HPD: variants seen among roughly 807,000 people sequenced by gnomAD.
HPD encodes the protein 4-hydroxyphenylpyruvate dioxygenase.
Under a neutral mutation model 56.9 loss-of-function variants are expected in HPD, and 35 were observed. That is an observed-to-expected ratio of 0.62 (90% CI 0.47 to 0.82). HPD has a LOEUF of 0.82. HPD is among the 40% of genes least tolerant of loss of function. The probability of loss-of-function intolerance (pLI) is 0.00; values close to 1 mark genes in which losing one functional copy is unlikely to be tolerated. For missense variants in HPD, 442 were observed against 506.8 expected (o/e 0.87, Z 1.23); for synonymous variants, 186 against 200.2 (o/e 0.93, Z 0.60).
chr12:121,863,702 C>T (rs546824276), upstream of HPD: 1 of 151,746 alleles, frequency 6.6e-6, no homozygotes, highest in East Asian at 1.9e-4. Flanking sequence ...ATCCCTTGAG[C>T]CCAGGAGTTC....
intron 7 of HPD, among the ~76,000 whole-genome samples, chr12:121,851,332 C>T (rs1340106993): frequency 6.7e-6 from 1 of 149,192 alleles, no homozygotes; most frequent in Non-Finnish European, 1.5e-5. Context: ...AATTTTTTAA[C>T]TTTTATTTTT....
At chr12:121,848,078 C>T (rs543567037) in intron 9 of HPD, among the ~76,000 whole-genome samples, 2 of 152,132 alleles carry the variant, frequency 1.3e-5, no homozygotes, top group South Asian at 4.2e-4. Flanking sequence ...AGAAAAAGGC[C>T]CTTGCTTGGA....
the HPD span, among the ~76,000 whole-genome samples, chr12:121,876,761 CTG>C: frequency 6.6e-6 from 1 of 152,070 alleles, no homozygotes; most frequent in East Asian, 1.9e-4. Context: ...CTTAACCTCT[CTG>C]AACCCCCATC....
At chr12:121,850,583 C>A (rs1035853013) in intron 7 of HPD, among the ~76,000 whole-genome samples, 2 of 150,236 alleles carry the variant, frequency 1.3e-5, no homozygotes, top group Non-Finnish European at 3.0e-5. Flanking sequence ...AAGCCATTCT[C>A]CTGCCTCAGC....
chr12:121,859,439 A>G (rs1878119599), upstream of HPD, among the ~76,000 whole-genome samples: 1 of 152,070 alleles, frequency 6.6e-6, no homozygotes, highest in Non-Finnish European at 1.5e-5. Context: ...CACACAGGAC[A>G]CTCTCAGTGT....
upstream of HPD, among the ~76,000 whole-genome samples, chr12:121,866,240 G>C (rs1878323498): frequency 6.6e-6 from 1 of 151,004 alleles, no homozygotes; most frequent in South Asian, 2.1e-4. Flanking sequence ...GGCAGAGCTT[G>C]CAGTGAGCAG....
upstream of HPD, among the ~76,000 whole-genome samples, chr12:121,864,843 A>G (rs1162066428): frequency 7.3e-6 from 1 of 136,304 alleles, no homozygotes; most frequent in Non-Finnish European, 1.5e-5. Flanking sequence ...ACAGAGTGAG[A>G]CTCCGTCTCA....
At chr12:121,866,482 T>A (rs567917196), upstream of HPD, among the ~76,000 whole-genome samples, 138 of 152,176 alleles carry the variant, frequency 9.1e-4, no homozygotes, top group African/African-American at 3.0e-3. Flanking sequence ...TACAGTTTAT[T>A]TGAATTTTCC....
At chr12:121,840,087 C>T (rs2137606165) in intron 12 of HPD, 39 bp from the exon 13 acceptor site, 1 of 1,364,770 alleles carries the variant, frequency 7.3e-7, no homozygotes, top group South Asian at 1.2e-5. Context: ...GGGAGGCTGG[C>T]ACGGTGAGAT....
At chr12:121,868,064 T>C (rs1947826), upstream of HPD, among the ~76,000 whole-genome samples, 127,282 of 152,150 alleles carry the variant, frequency 0.84, 53,320 homozygotes, top group Middle Eastern at 0.9. Context: ...TGGCTCATGC[T>C]TATAATGCCA....
chr12:121,869,988 G>C, the HPD span, among the ~76,000 whole-genome samples: 2 of 151,768 alleles, frequency 1.3e-5, no homozygotes, highest in Admixed American at 6.6e-5. Context: ...GTGTTGCCTA[G>C]GCTAACCTTG....
At chr12:121,857,639 C>A (rs1878052665) in intron 3 of HPD, 118 bp downstream of exon 3, 1 of 950,358 alleles carries the variant, frequency 1.1e-6, no homozygotes, top group Non-Finnish European at 1.7e-6. Flanking sequence ...ATCTGGCCCA[C>A]CCCTGGCCTG....
intron 9 of HPD, among the ~76,000 whole-genome samples, chr12:121,847,457 C>T (rs970885818): frequency 6.6e-6 from 1 of 152,152 alleles, no homozygotes; most frequent in African/African-American, 2.4e-5. Context: ...TCTCCAGGCT[C>T]AATTGCTCCT....
chr12:121,854,511 A>G (rs1007675840), intron 7 of HPD, among the ~76,000 whole-genome samples, 192 bp downstream of exon 7: 1 of 152,118 alleles, frequency 6.6e-6, no homozygotes, highest in Non-Finnish European at 1.5e-5. Context: ...GAGGAAGGGA[A>G]GCCTGGGAGG....
At chr12:121,884,756 GAACATTTATA>G in the HPD span, among the ~76,000 whole-genome samples, 2 of 151,924 alleles carry the variant, frequency 1.3e-5, no homozygotes, top group South Asian at 4.2e-4. Flanking sequence ...ATATTATAAA[GAACATTTATA>G]TGTTTCACCA....
chr12:121,841,598 C>T (rs903328532), intron 12 of HPD, among the ~76,000 whole-genome samples: 3 of 151,954 alleles, frequency 2.0e-5, no homozygotes, highest in Admixed American at 6.6e-5. Flanking sequence ...CAAAAAGGAA[C>T]GAAGCACTGA....
At chr12:121,860,486 T>C (rs1878146032), upstream of HPD, among the ~76,000 whole-genome samples, 1 of 152,140 alleles carries the variant, frequency 6.6e-6, no homozygotes, top group African/African-American at 2.4e-5. Context: ...CCATGCTGGG[T>C]GCACCCCTAG....
At chr12:121,857,078 G>GT (rs1006304069) in intron 4 of HPD, 26 of 528,062 alleles carry the variant, frequency 4.9e-5, no homozygotes, top group Non-Finnish European at 6.8e-5. Flanking sequence ...GTTTTTTGTT[G>GT]TTTTTTGTTT....
intron 7 of HPD, chr12:121,850,014 T>G: frequency 1.8e-6 from 1 of 540,554 alleles, no homozygotes; most frequent in Non-Finnish European, 3.4e-6. Context: ...CATGATGGTG[T>G]ACCCAGCGCC....
Sources: allele counts gnomAD v4.1 joint callset (sites outside exome capture counted in the v4.1 genomes callset), GRCh38; gene constraint gnomAD v4.1.1; transcripts MANE v1.5; gene names NCBI Gene and HGNC (gene_info 2026-07-23, HGNC 2026-07-21).